Variants in CCDC125 observed in about 807,000 individuals in gnomAD.
CCDC125 encodes coiled-coil domain-containing protein 125.
Under a neutral mutation model 57.4 loss-of-function variants are expected in CCDC125, and 43 were observed. That is an observed-to-expected ratio of 0.75 (90% CI 0.59 to 0.97). The LOEUF (loss-of-function observed/expected upper bound fraction) is 0.97, where lower values mean the gene tolerates loss of function less well. Ranked by LOEUF, CCDC125 falls within the 50% of genes least tolerant of loss-of-function variation. The pLI is 0.00. For missense variants in CCDC125, 563 were observed against 595.7 expected (o/e 0.95, Z 0.57); for synonymous variants, 187 against 195.2 (o/e 0.96, Z 0.35).
the CCDC125 span, among the ~76,000 whole-genome samples, chr5:69,273,391 AC>A: frequency 6.6e-6 from 1 of 152,302 alleles, no homozygotes; most frequent in South Asian, 2.1e-4. Context: ...TTGAGCTCTT[AC>A]AAATTCATTT....
intron 10 of CCDC125, among the ~76,000 whole-genome samples, chr5:69,290,132 ACT>A (rs1204288888): frequency 6.6e-6 from 1 of 151,812 alleles, no homozygotes; most frequent in African/African-American, 2.4e-5. Flanking sequence ...CCTCTGCATC[ACT>A]TCTTACCCTT....
rs550653679 is a variant in CCDC125, at chr5:69,280,800, T to C, written c.*1929A>G. On this transcript the variant is annotated 3_prime_UTR_variant, in exon 12 of 12. Transcript: ENST00000396496. ...ACAGTAATTTAGATAAACTTTTGTATTGATAGCCTTTTCTTTTGGAGATGG... is the reference window on the plus strand; with the variant it reads ...ACAGTAATTTAGATAAACTTTTGTACTGATAGCCTTTTCTTTTGGAGATGG... The C allele has an allele frequency of 6.6e-6, 1 of 152,512 alleles. No homozygotes were observed. The highest frequency in any genetic ancestry group is 2.1e-4 in the South Asian group (1 of 4,822). The allele number at this position is 152,512 out of a possible 1,614,324, so 9.4% of individuals were successfully genotyped here. A position where few individuals can be genotyped will look rare whatever the true frequency, so the allele number is the denominator to read the frequency against.
At chr5:69,317,291 G>C (rs1344423307) in intron 2 of CCDC125, among the ~76,000 whole-genome samples, 1 of 152,186 alleles carries the variant, frequency 6.6e-6, no homozygotes, top group Admixed American at 6.5e-5. Flanking sequence ...TTACAGGCAT[G>C]AGCCACCGCA....
chr5:69,278,607 A>G (rs761809744), downstream of CCDC125, among the ~76,000 whole-genome samples: 48 of 151,566 alleles, frequency 3.2e-4, no homozygotes, highest in Non-Finnish European at 5.3e-4. Context: ...ATTTTATGCT[A>G]GTATTCTGTA....
intron 1 of CCDC125, among the ~76,000 whole-genome samples, chr5:69,321,581 GGGTCAA>G (rs1760029567): frequency 1.3e-5 from 2 of 152,182 alleles, no homozygotes; most frequent in Non-Finnish European, 2.9e-5. Context: ...CGTTACACAT[GGGTCAA>G]TATTTGTGTA....
rs370473486 is a variant in CCDC125, at chr5:69,323,164, C to A, written c.-40-2584G>T. 4.0e-5 allele frequency among the ~76,000 whole-genome samples: 6 copies of A among 151,734 alleles called. No individual in the cohort carries two copies. The East Asian group carries it at 1.2e-3, about 30-fold the overall frequency. ...TCTACTAAAAATACAAAAAAATTAG[C>A]CGGGCATTGTGGCGTGTGCCTGTAA... On this transcript the variant is annotated intron_variant, in intron 1 of 11. Transcript: ENST00000396496.
chr5:69,313,466 G>C (rs1404387172), intron 3 of CCDC125: 1 of 1,210,862 alleles, frequency 8.3e-7, no homozygotes, highest in East Asian at 2.3e-5. Flanking sequence ...TAGTTTGCTT[G>C]TAATTCTTGC....
chr5:69,294,282 G>A, intron 9 of CCDC125: 1 of 258,626 alleles, frequency 3.9e-6, no homozygotes, highest in Non-Finnish European at 6.0e-6. Context: ...ATGACTTTAG[G>A]TAGCTTCAAA....
In CCDC125 at chr5:69,300,087, A is replaced by T; in HGVS notation, c.741T>A (p.Asp247Glu). ...QRYLEALAML[D>E]IKQQKMAQEN... ...CCTGAGCCATCTTCTGCTGTTTGAT[A>T]TCAAGCATGGCGAGGGCCTCCAAAT... The change falls in exon 8 of 12, where the codon GAT becomes GAA. Residue 247 changes from aspartate (D) to glutamate (E), a missense_variant. Physicochemically the swap from Asp to Glu is conservative, Grantham distance 45. Transcript: ENST00000396496. 6.2e-7 allele frequency: 1 copy of T among 1,614,210 alleles called. No individual in the cohort carries two copies. Among genetic ancestry groups the T allele is most frequent in the Non-Finnish European group, 8.5e-7 (1 of 1,180,030 alleles).
chr5:69,314,084 A>T (rs184280824), intron 2 of CCDC125, 38 bp from the exon 3 acceptor site: 63 of 1,369,560 alleles, frequency 4.6e-5, no homozygotes, highest in African/African-American at 3.7e-4. Context: ...TAGGGGAAAA[A>T]TTTTGAATAT....
intron 10 of CCDC125, among the ~76,000 whole-genome samples, chr5:69,286,419 A>G (rs1753481071): frequency 6.6e-6 from 1 of 150,906 alleles, no homozygotes; most frequent in Non-Finnish European, 1.5e-5. Context: ...TTTTTAGTAG[A>G]GATGGGGTTT....
chr5:69,308,415 G>T, intron 4 of CCDC125: 1 of 240,948 alleles, frequency 4.2e-6, no homozygotes, highest in Non-Finnish European at 8.3e-6. Context: ...TCATGGGGGT[G>T]GTTTTCCCCA....
chr5:69,302,552 CT>C (rs1247063386), intron 7 of CCDC125, among the ~76,000 whole-genome samples: 2 of 151,280 alleles, frequency 1.3e-5, no homozygotes, highest in South Asian at 4.2e-4. Context: ...GGTGAAACCC[CT>C]GTCTCTACTA....
intron 10 of CCDC125, among the ~76,000 whole-genome samples, chr5:69,287,107 TTAAG>T (rs2150316193): frequency 6.6e-6 from 1 of 152,086 alleles, no homozygotes; most frequent in African/African-American, 2.4e-5. Flanking sequence ...AAAGTTGATA[TTAAG>T]TGTTACTAAA....
intron 6 of CCDC125, among the ~76,000 whole-genome samples, chr5:69,306,130 T>A (rs1346204062): frequency 6.6e-6 from 1 of 151,928 alleles, no homozygotes; most frequent in East Asian, 1.9e-4. Context: ...TCTTGCTATG[T>A]CATCTAGGCT....
chr5:69,332,782 C>T lies in CCDC125; in HGVS notation c.-174G>A, dbSNP rs748996495. Reference sequence around the variant, plus strand: ...TCGCTCACCTGGCAAGTAGCCTCCTCTCCGTGCGCGTGCGCCGCTGCCGCC... The same window carrying T: ...TCGCTCACCTGGCAAGTAGCCTCCTTTCCGTGCGCGTGCGCCGCTGCCGCC... On this transcript the variant is annotated 5_prime_UTR_variant, in exon 1 of 12. Coordinates refer to ENST00000396496, the MANE Select transcript of CCDC125 (RefSeq NM_176816.5). 1 of 152,478 alleles carries T rather than the reference C, an allele frequency of 6.6e-6. No homozygotes were observed. Among genetic ancestry groups the T allele is most frequent in the Non-Finnish European group, 1.5e-5 (1 of 68,218 alleles). 9.4% of individuals were successfully genotyped at this position (152,478 alleles called of 1,614,324 possible).
chr5:69,307,035 T>A, intron 5 of CCDC125, 133 bp from the exon 6 acceptor site: 1 of 1,067,472 alleles, frequency 9.4e-7, no homozygotes, highest in Non-Finnish European at 1.2e-6. Flanking sequence ...ATTATTGCTC[T>A]AAAAGTATCT....
intron 1 of CCDC125, among the ~76,000 whole-genome samples, chr5:69,332,122 G>A (rs986605170): frequency 3.9e-5 from 6 of 152,230 alleles, no homozygotes; most frequent in Non-Finnish European, 7.3e-5. Flanking sequence ...CCATGACAAA[G>A]AGGAACTAAC....
downstream of CCDC125, chr5:69,277,043 A>G (rs1047847744): frequency 7.9e-6 from 11 of 1,386,624 alleles, no homozygotes; most frequent in African/African-American, 2.9e-5. Flanking sequence ...TAAAATTGCT[A>G]TGAGAATGTG....
Sources: allele counts gnomAD v4.1 joint callset (sites outside exome capture counted in the v4.1 genomes callset), GRCh38; gene constraint gnomAD v4.1.1; transcripts MANE v1.5; gene names NCBI Gene and HGNC (gene_info 2026-07-23, HGNC 2026-07-21).